The following EEA1 variants were observed in gnomAD, a reference collection of about 807,000 sequenced individuals.
EEA1 encodes early endosome antigen 1, also known as early endosome antigen 1, 162kD.
Under a neutral mutation model 209.2 loss-of-function variants are expected in EEA1, and 111 were observed. The ratio of observed to expected loss-of-function variants is 0.53; its 90% CI spans 0.45 to 0.62. EEA1 has a LOEUF of 0.62. Ranked by LOEUF, EEA1 falls within the 20% of genes least tolerant of loss-of-function variation. The probability of loss-of-function intolerance (pLI) is 0.00; values close to 1 mark genes in which losing one functional copy is unlikely to be tolerated. For synonymous variants in EEA1, 536 were observed against 540.6 expected, an observed-to-expected ratio of 0.99 and a Z score of 0.12; for missense variants, 1,343 against 1,530.8, an observed-to-expected ratio of 0.88 and a Z score of 2.05.
intron 2 of EEA1, chr12:92,883,740 A>G: frequency 8.1e-7 from 1 of 1,239,180 alleles, no homozygotes; most frequent in Non-Finnish European, 1.2e-6. Flanking sequence ...GCCACTGAAG[A>G]AGCATCGTTA....
At chr12:92,788,150 G>A (rs1874224453) in intron 21 of EEA1, 101 bp from the exon 22 acceptor site, 3 of 1,026,162 alleles carry the variant, frequency 2.9e-6, no homozygotes, top group Non-Finnish European at 4.0e-6. Flanking sequence ...CAAACAATAA[G>A]ATGAACTGTA....
intron 22 of EEA1, among the ~76,000 whole-genome samples, chr12:92,786,290 C>T (rs918425722): frequency 4.6e-5 from 7 of 152,134 alleles, no homozygotes; most frequent in Non-Finnish European, 1.0e-4. Context: ...AGTGGTTCCT[C>T]ACTGTTCTTA....
chr12:92,776,297 T>C (rs1873657106), intron 28 of EEA1, among the ~76,000 whole-genome samples, 164 bp from the exon 29 acceptor site: 1 of 151,954 alleles, frequency 6.6e-6, no homozygotes, highest in Admixed American at 6.6e-5. Context: ...ATCTCTGTTA[T>C]AATTAAATTG....
At chr12:92,886,019 C>A (rs966910694) in intron 2 of EEA1, among the ~76,000 whole-genome samples, 1 of 151,900 alleles carries the variant, frequency 6.6e-6, no homozygotes, top group African/African-American at 2.4e-5. Flanking sequence ...GAGTGACATC[C>A]AACAGAAAGA....
At position 92,869,214 on chromosome 12, in the gene EEA1, A is replaced by C. The variant is rs114392823; in HGVS notation, c.118-4227T>G. ...TGCTAGATAGATAAATTCCAGAGAA[A>C]GGCTGTTAGCTAACAATAACACACT... On this transcript the variant is annotated intron_variant, in intron 2 of 28. Coordinates refer to ENST00000322349, the MANE Select transcript of EEA1 (RefSeq NM_003566.4). Among the ~76,000 whole-genome samples the C allele has an allele frequency of 3.6e-3, 548 of 152,332 alleles. 3 individuals are homozygous for C. Among genetic ancestry groups the C allele is most frequent in the African/African-American group, 0.012 (514 of 41,586 alleles).
intron 1 of EEA1, among the ~76,000 whole-genome samples, chr12:92,892,808 T>G (rs1879706197): frequency 6.6e-6 from 1 of 152,310 alleles, no homozygotes; most frequent in South Asian, 2.1e-4. Context: ...TTTTGTATTT[T>G]TAGTGGAAAC....
At chr12:92,877,610 C>A (rs1039343554) in intron 2 of EEA1, among the ~76,000 whole-genome samples, 1 of 152,080 alleles carries the variant, frequency 6.6e-6, no homozygotes, top group Non-Finnish European at 1.5e-5. Context: ...CTCACTGCAA[C>A]CTCCACCTTC....
chr12:92,835,249 TA>T (rs1303332837), intron 10 of EEA1, among the ~76,000 whole-genome samples: 1 of 152,080 alleles, frequency 6.6e-6, no homozygotes, highest in Admixed American at 6.5e-5. Flanking sequence ...CATGTTCACA[TA>T]CACTGAGAAC....
rs1300389257 is a variant in EEA1 at position 92,827,913 on chromosome 12, T to G, written c.1403A>C (p.Gln468Pro). The change falls in exon 12 of 29, where the codon CAG becomes CCG. Residue 468 changes from glutamine (Q) to proline (P), a missense_variant and splice_region_variant. Transcript: ENST00000322349. The part of the protein sequence containing the change: ...LQLKLSRLEE[Q>P]LKEKVTNSTE... ...AATAAATTGAAAATGCTAGCTTACC[T>G]GCTCTTCTAACCGAGAAAGTTTGAG... The G allele has an allele frequency of 6.4e-7, 1 of 1,559,884 alleles. No individual in the cohort carries two copies. The highest frequency in any genetic ancestry group is 8.6e-7 in the Non-Finnish European group (1 of 1,158,432).
In EEA1 at chr12:92,852,074, C is replaced by A. The variant is rs535284225; in HGVS notation, c.642+101G>T. ...TAGGGAATTGCTTATTTCCTGATTT[C>A]ACTCAAATTATATTTTTAAACATTT... On this transcript the variant is annotated intron_variant, in intron 8 of 28. Transcript: ENST00000322349. 58 of 943,058 alleles carry A rather than the reference C, an allele frequency of 6.2e-5. No individual in the cohort carries two copies. The Middle Eastern group carries it at 1.8e-3, about 29-fold the overall frequency. 58.4% of individuals were successfully genotyped at this position (943,058 alleles called of 1,614,324 possible).
In EEA1 at chr12:92,770,815, ATTACT is replaced by A. The variant is rs1873393128; in HGVS notation, c.*5191_*5195del. The A allele has an allele frequency of 1.3e-5, 2 of 148,326 alleles. No individual in the cohort carries two copies. Among genetic ancestry groups the A allele is most frequent in the African/African-American group, 5.0e-5 (2 of 40,218 alleles). The allele number at this position is 148,326 out of a possible 1,614,324, so 9.2% of individuals were successfully genotyped here. A position where few individuals can be genotyped will look rare whatever the true frequency, so the allele number is the denominator to read the frequency against. On this transcript the variant is annotated 3_prime_UTR_variant, in exon 29 of 29. Transcript: ENST00000322349. Reference sequence around the variant, plus strand: ...TAGAAAATCCCAAAGACTAAATTCCATTACTTTAAGATAGGAAGAAAAAAAAAATC... The same window carrying A: ...TAGAAAATCCCAAAGACTAAATTCCATTAAGATAGGAAGAAAAAAAAAATC...
intron 12 of EEA1, 82 bp downstream of exon 12, chr12:92,827,830 C>T: frequency 7.3e-7 from 1 of 1,361,398 alleles, no homozygotes; most frequent in Non-Finnish European, 9.6e-7. Context: ...CCAATTAAAG[C>T]TTTGACAATT....
At chr12:92,892,259 T>G (rs1464136520) in intron 1 of EEA1, among the ~76,000 whole-genome samples, 1 of 151,954 alleles carries the variant, frequency 6.6e-6, no homozygotes, top group Non-Finnish European at 1.5e-5. Context: ...CCCAGCTAAT[T>G]TGTTGTATTT....
chr12:92,826,726 AAAAAAG>A (rs201789056), intron 12 of EEA1, among the ~76,000 whole-genome samples: 33,832 of 145,750 alleles, frequency 0.23, 3,988 homozygotes, highest in Non-Finnish European at 0.3. Context: ...AAAAAAAAAA[AAAAAAG>A]AAAAGAAAAA....
At chr12:92,819,639 T>A in intron 13 of EEA1, 128 bp from the exon 14 acceptor site, 1 of 581,150 alleles carries the variant, frequency 1.7e-6, no homozygotes, top group Non-Finnish European at 2.8e-6. Context: ...AACTATTACA[T>A]TTCAATATGG....
intron 2 of EEA1, among the ~76,000 whole-genome samples, chr12:92,877,011 T>A (rs1878927400): frequency 6.6e-6 from 1 of 150,448 alleles, no homozygotes; most frequent in African/African-American, 2.4e-5. Flanking sequence ...TGGCACGAAC[T>A]CAGCTCACTG....
chr12:92,809,006 G>T lies in EEA1; in HGVS notation c.2339+11C>A. On this transcript the variant is annotated intron_variant, in intron 18 of 28. Transcript: ENST00000322349. Reference sequence around the variant, plus strand: ...TTTCCCTTAATTTGTAAGTAAAGTGGTTTAGCTTACATTTCCTTCTCCATT... The same window carrying T: ...TTTCCCTTAATTTGTAAGTAAAGTGTTTTAGCTTACATTTCCTTCTCCATT... 6.3e-7 allele frequency: 1 copy of T among 1,578,700 alleles called. No individual in the cohort carries two copies. Among genetic ancestry groups the T allele is most frequent in the Non-Finnish European group, 8.6e-7 (1 of 1,164,646 alleles).
Position 92,895,946 on chromosome 12 carries a change from T to C in EEA1, c.25-4225A>G, listed in dbSNP as rs189615958. Among the ~76,000 whole-genome samples, 350 of 151,910 alleles carry C rather than the reference T, an allele frequency of 2.3e-3. 3 individuals are homozygous for C. The highest frequency in any genetic ancestry group is 7.8e-3 in the African/African-American group (323 of 41,452). On this transcript the variant is annotated intron_variant, in intron 1 of 28. Transcript: ENST00000322349. ...TCAGCAAGACAACTAGAATTAAAAGTGGAGCCTGAAGATGCGACTGATAAT... is the reference window on the plus strand; with the variant it reads ...TCAGCAAGACAACTAGAATTAAAAGCGGAGCCTGAAGATGCGACTGATAAT...
At chr12:92,868,936 G>A (rs1878513344) in intron 2 of EEA1, among the ~76,000 whole-genome samples, 1 of 151,782 alleles carries the variant, frequency 6.6e-6, no homozygotes, top group African/African-American at 2.4e-5. Context: ...TATTTCAACA[G>A]TCATTACTAA....
Sources: allele counts gnomAD v4.1 joint callset (sites outside exome capture counted in the v4.1 genomes callset), GRCh38; gene constraint gnomAD v4.1.1; transcripts MANE v1.5; gene names NCBI Gene and HGNC (gene_info 2026-07-23, HGNC 2026-07-21).